SLC25A26: variants seen among roughly 807,000 people sequenced by gnomAD.
SLC25A26 encodes mitochondrial S-adenosylmethionine carrier protein.
A neutral mutation model predicts 37.8 loss-of-function variants in SLC25A26; 36 were observed. That is an observed-to-expected ratio of 0.95 (90% CI 0.73 to 1.26). The LOEUF (loss-of-function observed/expected upper bound fraction) is 1.26. SLC25A26 is among the 50% of genes most tolerant of loss of function. SLC25A26 has a pLI of 0.00. For synonymous variants in SLC25A26, 129 were observed against 122.5 expected, an observed-to-expected ratio of 1.05 and a Z score of -0.35; for missense variants, 390 against 331.1, an observed-to-expected ratio of 1.18 and a Z score of -1.38.
chr3:66,354,639 T>C (rs1305209485), intron 6 of SLC25A26, among the ~76,000 whole-genome samples: 2 of 152,184 alleles, frequency 1.3e-5, no homozygotes, highest in Non-Finnish European at 1.5e-5. Flanking sequence ...CTGATACTTT[T>C]AGTAATATAA....
chr3:66,147,861 C>G (rs2070143354), intron 1 of SLC25A26, among the ~76,000 whole-genome samples: 1 of 152,070 alleles, frequency 6.6e-6, no homozygotes, highest in Non-Finnish European at 1.5e-5. Flanking sequence ...TGGGTTCAAG[C>G]CATTTTCCTG....
At chr3:66,361,562 C>T (rs993798668) in intron 6 of SLC25A26, among the ~76,000 whole-genome samples, 4 of 152,112 alleles carry the variant, frequency 2.6e-5, no homozygotes, top group Non-Finnish European at 4.4e-5. Context: ...ATACGGTAAC[C>T]CAGTACAAAT....
intron 5 of SLC25A26, among the ~76,000 whole-genome samples, chr3:66,297,674 A>T (rs1173069342): frequency 6.6e-6 from 1 of 152,270 alleles, no homozygotes; most frequent in East Asian, 1.9e-4. Context: ...ATAAAGCTTT[A>T]TTGGCATGCA....
intron 6 of SLC25A26, among the ~76,000 whole-genome samples, chr3:66,360,677 C>T (rs2076677690): frequency 6.6e-6 from 1 of 152,164 alleles, no homozygotes; most frequent in Non-Finnish European, 1.5e-5. Flanking sequence ...AACATGTGAA[C>T]TACTTAAGGA....
chr3:66,270,005 A>C (rs1451136240), intron 5 of SLC25A26, among the ~76,000 whole-genome samples: 2 of 152,044 alleles, frequency 1.3e-5, no homozygotes, highest in Non-Finnish European at 2.9e-5. Flanking sequence ...TCACTGCTTT[A>C]AGTTTGACTT....
intron 1 of SLC25A26, among the ~76,000 whole-genome samples, chr3:66,181,803 T>TTC (rs1261443749): frequency 3.4e-5 from 5 of 149,156 alleles, no homozygotes; most frequent in Non-Finnish European, 7.4e-5. Context: ...TTTTTTTTTT[T>TTC]CACCAAACAT....
chr3:66,186,090 C>T (rs2070820863), intron 1 of SLC25A26, among the ~76,000 whole-genome samples: 1 of 151,866 alleles, frequency 6.6e-6, no homozygotes, highest in Non-Finnish European at 1.5e-5. Flanking sequence ...CTGATACTAA[C>T]CAAGACCCTG....
chr3:66,345,780 A>G (rs981964968), intron 5 of SLC25A26, among the ~76,000 whole-genome samples: 2 of 152,170 alleles, frequency 1.3e-5, no homozygotes, highest in Non-Finnish European at 2.9e-5. Context: ...GTCACGTCCT[A>G]AAGTGTTTTT....
At chr3:66,257,096 C>T (rs1415247014) in intron 3 of SLC25A26, among the ~76,000 whole-genome samples, 1 of 149,098 alleles carries the variant, frequency 6.7e-6, no homozygotes. Context: ...AAATATATTT[C>T]ACAAACTATA....
At chr3:66,178,665 G>A (rs1267357660) in intron 1 of SLC25A26, among the ~76,000 whole-genome samples, 3 of 152,150 alleles carry the variant, frequency 2.0e-5, no homozygotes, top group African/African-American at 7.2e-5. Context: ...TCTGTAAGGT[G>A]TTGAGATTCT....
intron 5 of SLC25A26, among the ~76,000 whole-genome samples, chr3:66,295,229 G>C (rs898013282): frequency 6.7e-6 from 1 of 149,050 alleles, no homozygotes; most frequent in Non-Finnish European, 1.5e-5. Flanking sequence ...AAATTTGCTT[G>C]TGTGTTTTTT....
At chr3:66,250,057 A>C (rs782662653) in intron 3 of SLC25A26, among the ~76,000 whole-genome samples, 3 of 152,234 alleles carry the variant, frequency 2.0e-5, no homozygotes, top group Non-Finnish European at 4.4e-5. Context: ...AGACTTTTAA[A>C]TTCCTTCTTA....
chr3:66,265,233 G>A (rs1038890104), intron 5 of SLC25A26, among the ~76,000 whole-genome samples: 1 of 152,058 alleles, frequency 6.6e-6, no homozygotes, highest in African/African-American at 2.4e-5. Context: ...CTTGAGCCTG[G>A]GATGTCGAGG....
At chr3:66,186,483 C>T (rs993042930) in intron 1 of SLC25A26, among the ~76,000 whole-genome samples, 9 of 152,214 alleles carry the variant, frequency 5.9e-5, no homozygotes, top group Middle Eastern at 3.4e-3. Context: ...ATCACTCTGA[C>T]CCTGACCAGC....
intron 1 of SLC25A26, among the ~76,000 whole-genome samples, chr3:66,206,413 C>G: frequency 6.6e-6 from 1 of 152,246 alleles, no homozygotes; most frequent in South Asian, 2.1e-4. Flanking sequence ...CCAAAGACTG[C>G]CAAGTACATA....
At chr3:66,187,270 G>A (rs2070846767) in intron 1 of SLC25A26, among the ~76,000 whole-genome samples, 4 of 151,414 alleles carry the variant, frequency 2.6e-5, no homozygotes, top group African/African-American at 9.7e-5. Context: ...TTCACACACA[G>A]CCTTACCCTT....
intron 5 of SLC25A26, among the ~76,000 whole-genome samples, chr3:66,338,195 TTAC>T (rs1038695502): frequency 6.6e-6 from 1 of 152,058 alleles, no homozygotes; most frequent in East Asian, 1.9e-4. Context: ...TTTCATTGTA[TTAC>T]TAATATTCCT....
upstream of SLC25A26, among the ~76,000 whole-genome samples, chr3:66,220,420 G>A (rs990742244): frequency 1.3e-5 from 2 of 152,080 alleles, no homozygotes; most frequent in African/African-American, 2.4e-5. Context: ...GTGTACACAT[G>A]AGTACAACAG....
intron 5 of SLC25A26, among the ~76,000 whole-genome samples, chr3:66,281,594 G>A (rs1482201067): frequency 6.6e-6 from 1 of 152,124 alleles, no homozygotes; most frequent in African/African-American, 2.4e-5. Flanking sequence ...AATTGAGTTA[G>A]AATTCATGTA....
Sources: gnomAD v4.1 joint callset for allele counts (sites outside exome capture counted in the v4.1 genomes callset) on GRCh38, gnomAD v4.1.1 for gene constraint, MANE v1.5 for transcripts, NCBI Gene and HGNC (gene_info 2026-07-23, HGNC 2026-07-21) for gene names.